Variants in TMEM117 observed in about 807,000 individuals in gnomAD.
TMEM117 encodes transmembrane protein 117.
A neutral mutation model predicts 52.4 loss-of-function variants in TMEM117; 27 were observed. That is an observed-to-expected ratio of 0.51 (90% CI 0.38 to 0.71). The LOEUF is 0.71. Among genes scored for constraint, TMEM117 ranks in the 30% least tolerant of loss-of-function variants. The pLI is 0.00. For synonymous variants in TMEM117, 215 were observed against 206.3 expected (o/e 1.04, Z -0.36); for missense variants, 556 against 630.5 (o/e 0.88, Z 1.26).
At chr12:43,837,268 C>T (rs538169345) in intron 1 of TMEM117, among the ~76,000 whole-genome samples, 1 of 152,248 alleles carries the variant, frequency 6.6e-6, no homozygotes, top group South Asian at 2.1e-4. Flanking sequence ...CACATGAATT[C>T]TATTTAATTC....
the TMEM117 span, among the ~76,000 whole-genome samples, chr12:43,820,403 AG>A: frequency 6.6e-6 from 1 of 152,122 alleles, no homozygotes; most frequent in African/African-American, 2.4e-5. Flanking sequence ...CCTCCCGAGT[AG>A]CTGGGACTAC....
intron 2 of TMEM117, among the ~76,000 whole-genome samples, chr12:43,853,158 A>G (rs981728959): frequency 6.6e-6 from 1 of 152,206 alleles, no homozygotes; most frequent in Non-Finnish European, 1.5e-5. Context: ...GATTATGTTG[A>G]TCTTGCTTAC....
chr12:44,322,318 C>T (rs1320085000), intron 6 of TMEM117, among the ~76,000 whole-genome samples: 1 of 151,984 alleles, frequency 6.6e-6, no homozygotes, highest in African/African-American at 2.4e-5. Flanking sequence ...TCTGACCTAA[C>T]GAGGCAAAAA....
chr12:43,844,495 C>A, intron 1 of TMEM117, 129 bp from the exon 2 acceptor site: 1 of 798,046 alleles, frequency 1.3e-6, no homozygotes, highest in Non-Finnish European at 2.0e-6. Context: ...GTCTTGGAGC[C>A]ATGAGTAGGA....
intron 3 of TMEM117, among the ~76,000 whole-genome samples, chr12:43,995,595 T>C (rs1037897050): frequency 2.6e-5 from 4 of 152,190 alleles, no homozygotes; most frequent in African/African-American, 9.7e-5. Context: ...GAAAAGTTCT[T>C]AGTGGTGATT....
intron 5 of TMEM117, among the ~76,000 whole-genome samples, chr12:44,264,189 A>G (rs1292634658): frequency 6.6e-6 from 1 of 152,148 alleles, no homozygotes; most frequent in Non-Finnish European, 1.5e-5. Flanking sequence ...TTTTCTGTCT[A>G]TTTGATCATT....
intron 3 of TMEM117, among the ~76,000 whole-genome samples, chr12:44,077,921 AT>A (rs1308669450): frequency 1.3e-5 from 2 of 152,136 alleles, no homozygotes; most frequent in Non-Finnish European, 2.9e-5. Context: ...AGAAATTCCA[AT>A]ACCAAAATAT....
intron 3 of TMEM117, among the ~76,000 whole-genome samples, chr12:43,971,640 A>G (rs958906069): frequency 6.6e-5 from 10 of 152,122 alleles, no homozygotes; most frequent in African/African-American, 2.2e-4. Context: ...GGTCAGGTAA[A>G]ATGTTTCTTC....
At chr12:44,060,822 C>G (rs1298296201) in intron 3 of TMEM117, among the ~76,000 whole-genome samples, 1 of 152,130 alleles carries the variant, frequency 6.6e-6, no homozygotes, top group Non-Finnish European at 1.5e-5. Flanking sequence ...TCTTAACTAA[C>G]TTTGACATAT....
At chr12:44,373,441 T>C (rs1951892894) in intron 6 of TMEM117, among the ~76,000 whole-genome samples, 1 of 152,240 alleles carries the variant, frequency 6.6e-6, no homozygotes. Flanking sequence ...TCTTCCTTTT[T>C]CTCCTGGACC....
intron 3 of TMEM117, among the ~76,000 whole-genome samples, chr12:44,074,379 C>A (rs1334032579): frequency 2.6e-5 from 4 of 152,034 alleles, no homozygotes; most frequent in Non-Finnish European, 1.5e-5. Context: ...TCTCATTAGT[C>A]TTTTATTAGT....
At chr12:44,379,894 G>A (rs1341820354) in intron 7 of TMEM117, among the ~76,000 whole-genome samples, 4 of 152,092 alleles carry the variant, frequency 2.6e-5, no homozygotes, top group Non-Finnish European at 5.9e-5. Context: ...CTCTAGATCC[G>A]TCAGGGGATG....
chr12:44,195,814 G>GA (rs1418868390), intron 4 of TMEM117, among the ~76,000 whole-genome samples: 1 of 151,868 alleles, frequency 6.6e-6, no homozygotes, highest in African/African-American at 2.4e-5. Context: ...AACTACCAGG[G>GA]AGGCCAAGGC....
At chr12:44,192,713 A>G (rs1423402875) in intron 4 of TMEM117, among the ~76,000 whole-genome samples, 1 of 152,186 alleles carries the variant, frequency 6.6e-6, no homozygotes, top group East Asian at 1.9e-4. Context: ...CACAGAATCC[A>G]TTTGCTAAGA....
chr12:44,261,240 A>G (rs1010480513), intron 5 of TMEM117, among the ~76,000 whole-genome samples: 1 of 152,222 alleles, frequency 6.6e-6, no homozygotes, highest in Non-Finnish European at 1.5e-5. Flanking sequence ...GCTTATCGCT[A>G]TCTCAGATGA....
At chr12:43,923,061 C>T (rs1944722034) in intron 2 of TMEM117, among the ~76,000 whole-genome samples, 1 of 152,132 alleles carries the variant, frequency 6.6e-6, no homozygotes, top group South Asian at 2.1e-4. Context: ...GGAGTGCTGC[C>T]AGGAGAGATT....
intron 2 of TMEM117, among the ~76,000 whole-genome samples, chr12:43,926,177 T>G (rs1944775984): frequency 6.6e-6 from 1 of 152,226 alleles, no homozygotes; most frequent in African/African-American, 2.4e-5. Context: ...AATAATTCAA[T>G]TCAAAATTGG....
At chr12:44,204,740 A>G (rs998883029) in intron 4 of TMEM117, among the ~76,000 whole-genome samples, 3 of 152,188 alleles carry the variant, frequency 2.0e-5, no homozygotes, top group African/African-American at 4.8e-5. Context: ...GAACCCAGAA[A>G]TAAAACCATA....
chr12:44,020,756 A>T (rs564293690), intron 3 of TMEM117, among the ~76,000 whole-genome samples: 11 of 151,070 alleles, frequency 7.3e-5, no homozygotes, highest in African/African-American at 2.7e-4. Flanking sequence ...AATAGCTAGC[A>T]GCCAGAACTC....
Sources: allele counts gnomAD v4.1 joint callset (sites outside exome capture counted in the v4.1 genomes callset), GRCh38; gene constraint gnomAD v4.1.1; transcripts MANE v1.5; gene names NCBI Gene and HGNC (gene_info 2026-07-23, HGNC 2026-07-21).